The following NAALADL2 variants were observed in gnomAD, a reference collection of about 807,000 sequenced individuals.
NAALADL2 encodes the protein N-acetylated alpha-linked acidic dipeptidase like 2, also known as inactive N-acetylated-alpha-linked acidic dipeptidase-like protein 2.
A neutral mutation model predicts 87.2 loss-of-function variants in NAALADL2; 76 were observed. That is an observed-to-expected ratio of 0.87 (90% CI 0.72 to 1.05). The LOEUF (loss-of-function observed/expected upper bound fraction) is 1.05, where lower values mean the gene tolerates loss of function less well. Among genes scored for constraint, NAALADL2 ranks in the 50% least tolerant of loss-of-function variants. The pLI, the probability that NAALADL2 is intolerant of heterozygous loss-of-function variation, is 0.00. For synonymous variants in NAALADL2, 354 were observed against 331.0 expected, an observed-to-expected ratio of 1.07 and a Z score of -0.75; for missense variants, 1,089 against 945.8, an observed-to-expected ratio of 1.15 and a Z score of -1.99.
Position 174,708,707 on chromosome 3 carries a change from C to A in NAALADL2, c.-114-28934C>A, listed in dbSNP as rs572587457. Among the ~76,000 whole-genome samples the A allele has an allele frequency of 1.5e-3, 232 of 152,180 alleles. 1 individual carries two copies. The highest frequency in any genetic ancestry group is 5.4e-3 in the African/African-American group (226 of 41,554). On this transcript the variant is annotated intron_variant, in intron 2 of 3. Coordinates refer to the NAALADL2 transcript ENST00000434257. The stretch of plus-strand genomic sequence containing the variant: ...ATTTGACTTACCTTACATATGAATT[C>A]TTTTTACAATGACCTTTTCAGGTTT...
At chr3:175,337,589 C>T (rs1762120165) in intron 5 of NAALADL2, among the ~76,000 whole-genome samples, 1 of 152,076 alleles carries the variant, frequency 6.6e-6, no homozygotes, top group Non-Finnish European at 1.5e-5. Flanking sequence ...AAAGAAACCA[C>T]CCCTGCCAAT....
intron 5 of NAALADL2, among the ~76,000 whole-genome samples, chr3:175,434,628 T>C (rs1718318753): frequency 6.6e-6 from 1 of 152,120 alleles, no homozygotes; most frequent in South Asian, 2.1e-4. Flanking sequence ...AATGGTTGCA[T>C]ACTTTTATAA....
chr3:175,477,995 A>C (rs1413789354), intron 9 of NAALADL2, among the ~76,000 whole-genome samples: 1 of 152,060 alleles, frequency 6.6e-6, no homozygotes, highest in Non-Finnish European at 1.5e-5. Context: ...TGATGATTTA[A>C]TTCAGTACTG....
intron 9 of NAALADL2, among the ~76,000 whole-genome samples, chr3:175,573,859 A>G (rs1228018397): frequency 2.0e-5 from 3 of 151,668 alleles, no homozygotes; most frequent in Non-Finnish European, 4.4e-5. Flanking sequence ...TTAAGTTGCT[A>G]CTGATTAGAC....
At chr3:175,040,430 A>G (rs1352157356) in intron 1 of NAALADL2, among the ~76,000 whole-genome samples, 1 of 152,188 alleles carries the variant, frequency 6.6e-6, no homozygotes, top group Non-Finnish European at 1.5e-5. Context: ...AATTTAATGT[A>G]TTCTGAAGTA....
Position 175,366,328 on chromosome 3 carries a change from T to A in NAALADL2, c.1090+42003T>A, listed in dbSNP as rs1180068410. Among the ~76,000 whole-genome samples the A allele has an allele frequency of 4.0e-5, 6 of 151,834 alleles. No homozygotes were observed. In the East Asian group the frequency reaches 1.2e-3, roughly 29 times the overall value. ...GTGCCTCAATAAACATACGTGTGCA[T>A]GTGTCTTTATAACAGCATGATTTAT... On this transcript the variant is annotated intron_variant, in intron 5 of 13. Transcript: ENST00000454872.
chr3:174,925,463 G>T (rs1326834929), intron 1 of NAALADL2, among the ~76,000 whole-genome samples: 1 of 152,130 alleles, frequency 6.6e-6, no homozygotes, highest in Non-Finnish European at 1.5e-5. Flanking sequence ...ATGCTGTTTT[G>T]GTTACTGTAG....
intron 2 of NAALADL2, among the ~76,000 whole-genome samples, chr3:175,192,493 A>G (rs745786525): frequency 6.6e-6 from 1 of 152,048 alleles, no homozygotes; most frequent in Non-Finnish European, 1.5e-5. Context: ...TGTTTAATGT[A>G]TTTGTGTTGT....
At chr3:175,388,253 C>A (rs898084763) in intron 5 of NAALADL2, among the ~76,000 whole-genome samples, 1 of 152,046 alleles carries the variant, frequency 6.6e-6, no homozygotes, top group Admixed American at 6.6e-5. Context: ...GAGGCGCTAG[C>A]TAGCCACCTT....
intron 11 of NAALADL2, among the ~76,000 whole-genome samples, chr3:175,707,359 T>A (rs1739860122): frequency 6.6e-6 from 1 of 152,146 alleles, no homozygotes; most frequent in Non-Finnish European, 1.5e-5. Context: ...TTCTTTTTAA[T>A]TTTTTCAACT....
At chr3:174,746,928 T>G (rs1560191042) in intron 3 of NAALADL2, among the ~76,000 whole-genome samples, 1 of 152,076 alleles carries the variant, frequency 6.6e-6, no homozygotes, top group East Asian at 1.9e-4. Flanking sequence ...AACATTAAAC[T>G]CAAGATGGAT....
At chr3:175,065,014 A>G (rs2109104886) in intron 1 of NAALADL2, among the ~76,000 whole-genome samples, 1 of 152,266 alleles carries the variant, frequency 6.6e-6, no homozygotes, top group Admixed American at 6.5e-5. Context: ...ACATATATTA[A>G]TAATATATCA....
chr3:175,402,694 C>A (rs1458824851), intron 5 of NAALADL2, among the ~76,000 whole-genome samples: 4 of 151,916 alleles, frequency 2.6e-5, no homozygotes, highest in Non-Finnish European at 5.9e-5. Flanking sequence ...AAGTTTATAC[C>A]AGCTAATGGT....
chr3:175,742,927 C>T (rs1000298890), intron 12 of NAALADL2, among the ~76,000 whole-genome samples: 1 of 151,884 alleles, frequency 6.6e-6, no homozygotes, highest in Non-Finnish European at 1.5e-5. Context: ...TCTTTTCTCC[C>T]GGTGTAGGGA....
intron 2 of NAALADL2, among the ~76,000 whole-genome samples, chr3:174,592,915 T>A (rs1489299619): frequency 1.3e-5 from 2 of 151,736 alleles, no homozygotes; most frequent in African/African-American, 4.8e-5. Context: ...TGTGTGTGTG[T>A]GAGAGAGAGG....
At chr3:175,423,051 A>ATATATATATATATATATTT (rs1458599872) in intron 5 of NAALADL2, among the ~76,000 whole-genome samples, 4 of 91,506 alleles carry the variant, frequency 4.4e-5, no homozygotes, top group African/African-American at 1.3e-4. Context: ...ATATATATAT[A>ATATATATATATATATATTT]TTTTTTTTTT....
At chr3:175,066,215 G>A (rs1714512540) in intron 1 of NAALADL2, among the ~76,000 whole-genome samples, 2 of 152,146 alleles carry the variant, frequency 1.3e-5, no homozygotes, top group African/African-American at 4.8e-5. Flanking sequence ...ACGAGTTATA[G>A]TAACCACAAA....
At position 175,076,167 on chromosome 3, in the gene NAALADL2, G is replaced by C. The variant is rs145598629; in HGVS notation, c.44-20623G>C. 3.0e-4 allele frequency among the ~76,000 whole-genome samples: 45 copies of C among 152,224 alleles called. No homozygotes were observed. The East Asian group carries it at 6.8e-3, about 23-fold the overall frequency. ...AGATTGAACCTTGGAGGTGGAAGTTGCAATGAGCTGAGATTGCGCCACTGC... is the reference window on the plus strand; with the variant it reads ...AGATTGAACCTTGGAGGTGGAAGTTCCAATGAGCTGAGATTGCGCCACTGC... On this transcript the variant is annotated intron_variant, in intron 1 of 13. Transcript: ENST00000454872.
At chr3:175,667,075 A>T (rs2149828354) in intron 11 of NAALADL2, among the ~76,000 whole-genome samples, 1 of 151,068 alleles carries the variant, frequency 6.6e-6, no homozygotes, top group Middle Eastern at 3.4e-3. Context: ...GTGAAACTTA[A>T]ATCTGTGCTG....
Sources: allele counts gnomAD v4.1 joint callset (sites outside exome capture counted in the v4.1 genomes callset), GRCh38; gene constraint gnomAD v4.1.1; transcripts MANE v1.5; gene names NCBI Gene and HGNC (gene_info 2026-07-23, HGNC 2026-07-21).